The following BICRA variants were observed in gnomAD, a reference collection of about 807,000 sequenced individuals.
The protein encoded by BICRA is BRD4 interacting chromatin remodeling complex associated protein, also known as BRD4-interacting chromatin-remodeling complex-associated protein.
BICRA carries 31 observed loss-of-function variants against 96.9 expected under a neutral mutation model. That is an observed-to-expected ratio of 0.32 (90% CI 0.24 to 0.43). BICRA has a LOEUF of 0.43. Among genes scored for constraint, BICRA ranks in the 20% least tolerant of loss-of-function variants. BICRA has a pLI of 1.00. For synonymous variants in BICRA, 1,350 were observed against 1,071.8 expected (o/e 1.26, Z -5.07); for missense variants, 2,283 against 2,190.3 (o/e 1.04, Z -0.84).
intron 9 of BICRA, 23 bp from the exon 10 acceptor site, chr19:47,695,342 T>TCGGGGGGCCC: frequency 9.5e-6 from 6 of 630,178 alleles, no homozygotes; most frequent in African/African-American, 1.9e-5. Flanking sequence ...AGGCCCTGTC[T>TCGGGGGGCCC]CCCCCACCCC....
chr19:47,619,579 G>A (rs537654278), intron 1 of BICRA, among the ~76,000 whole-genome samples: 1 of 148,000 alleles, frequency 6.8e-6, no homozygotes, highest in South Asian at 2.4e-4. Context: ...CTTTTTCATT[G>A]AAGTGTAATT....
rs1973032844 is a variant in BICRA at position 47,680,732 on chromosome 19, C to T, written c.1562C>T (p.Ala521Val). ...CCCATCCTCACAAACCAGAACCTGG[C>T]GGGCCCACTGAGCCTGGGCCCCGTG... is the stretch of plus-strand genomic sequence containing the variant. ...ANPILTNQNL[A>V]GPLSLGPVLA... Residue 521 changes from alanine to valine, a missense_variant, in exon 6 of 15, where the codon GCG becomes GTG. Coordinates refer to ENST00000594866, the MANE Select transcript of BICRA (RefSeq NM_001394372.1). The T allele has an allele frequency of 6.2e-7, 1 of 1,604,900 alleles. No homozygotes were observed.
chr19:47,639,356 T>G (rs1972349119), intron 1 of BICRA, among the ~76,000 whole-genome samples: 1 of 128,862 alleles, frequency 7.8e-6, no homozygotes, highest in African/African-American at 3.1e-5. Flanking sequence ...AGACAGAGTC[T>G]CGCTCTGTCT....
chr19:47,620,406 C>T (rs891860067), intron 1 of BICRA, among the ~76,000 whole-genome samples: 1 of 152,018 alleles, frequency 6.6e-6, no homozygotes, highest in African/African-American at 2.4e-5. Context: ...GTGGCTCACA[C>T]CTCTAATCCC....
chr19:47,609,481 C>CT (rs1952132697), intron 1 of BICRA, among the ~76,000 whole-genome samples: 1 of 151,232 alleles, frequency 6.6e-6, no homozygotes, highest in African/African-American at 2.4e-5. Flanking sequence ...ATGGGGACCC[C>CT]CCCCCAACCG....
chr19:47,680,331 C>G lies in BICRA; in HGVS notation c.1161C>G (p.Leu387=), dbSNP rs772343222. 2.0e-6 allele frequency: 3 copies of G among 1,535,368 alleles called. No individual in the cohort carries two copies. Among genetic ancestry groups the G allele is most frequent in the East Asian group, 4.9e-5 (2 of 40,852 alleles). The change falls in exon 6 of 15, where the codon CTC becomes CTG. Residue 387 remains leucine, a synonymous_variant. Transcript: ENST00000594866. ...TLTIQGEPGA[L]PQQPKAPQNL... The stretch of plus-strand genomic sequence containing the variant: ...CCATCCAGGGCGAGCCGGGGGCGCT[C>G]CCGCAGCAGCCCAAGGCCCCGCAGA...
intron 1 of BICRA, among the ~76,000 whole-genome samples, chr19:47,668,579 C>G (rs1972817853): frequency 6.6e-6 from 1 of 151,396 alleles, no homozygotes; most frequent in Admixed American, 6.6e-5. Context: ...GCTCCGCCTC[C>G]TGTGTTCAAG....
intron 1 of BICRA, among the ~76,000 whole-genome samples, chr19:47,624,991 G>GC (rs1972118955): frequency 8.8e-6 from 1 of 113,032 alleles, no homozygotes; most frequent in African/African-American, 3.3e-5. Context: ...ACTGCACCTG[G>GC]CTTTTTTTTT....
Position 47,679,520 on chromosome 19 carries a change from C to T in BICRA, c.350C>T (p.Thr117Met), listed in dbSNP as rs2123584619. The part of the protein sequence containing the change: ...SLQEANITEQ[T>M]LEAEAELDLG... ...CAAGAGGCCAACATCACGGAGCAGA[C>T]GCTGGAGGCCGAGGCTGAGCTGGAC... is the stretch of plus-strand genomic sequence containing the variant. The change falls in exon 6 of 15, where the codon ACG (threonine) becomes ATG (methionine). Residue 117 changes from threonine (T) to methionine (M), a missense_variant. Physicochemically the swap from Thr to Met is moderately conservative, Grantham distance 81. Transcript: ENST00000594866. 2 of 1,547,712 alleles carry T rather than the reference C, an allele frequency of 1.3e-6. No individual in the cohort carries two copies. The highest frequency in any genetic ancestry group is 1.7e-6 in the Non-Finnish European group (2 of 1,146,046).
Position 47,615,847 on chromosome 19 carries a change from C to T in BICRA, c.-108+6679C>T, listed in dbSNP as rs1385884208. ...TGTCTATAAAATGGGCCCATGATGC[C>T]TCCCTCGTAGGGTCTGCTGTGAGGC... On this transcript the variant is annotated intron_variant, in intron 1 of 14. Transcript: ENST00000594866. 7 of 152,344 alleles carry T rather than the reference C, an allele frequency of 4.6e-5. 1 individual carries two copies. In the Middle Eastern group the frequency reaches 0.014, roughly 296 times the overall value. The allele number at this position is 152,344 out of a possible 1,614,324, so 9.4% of individuals were successfully genotyped here. A position where few individuals can be genotyped will look rare whatever the true frequency, so the allele number is the denominator to read the frequency against.
chr19:47,651,898 T>C (rs1972546532), intron 1 of BICRA, among the ~76,000 whole-genome samples: 2 of 152,338 alleles, frequency 1.3e-5, no homozygotes, highest in South Asian at 4.1e-4. Context: ...GCGCCACTCC[T>C]GGCTGTGATG....
At chr19:47,676,042 T>A in intron 5 of BICRA, 126 bp downstream of exon 5, 5 of 324,972 alleles carry the variant, frequency 1.5e-5, no homozygotes, top group East Asian at 8.5e-5. Context: ...AGGGCGGGGG[T>A]GGGCCACCCA....
intron 1 of BICRA, among the ~76,000 whole-genome samples, chr19:47,622,059 C>G (rs534544788): frequency 2.0e-5 from 3 of 151,942 alleles, no homozygotes; most frequent in African/African-American, 7.2e-5. Flanking sequence ...CTCTACCTCC[C>G]GGGTTCAAGC....
At position 47,679,426 on chromosome 19, in the gene BICRA, G is replaced by A. The variant is rs1444670852; in HGVS notation, c.256G>A (p.Ala86Thr). The change falls in exon 6 of 15, where the codon GCG becomes ACG. Residue 86 changes from alanine (A) to threonine (T), a missense_variant. Ala to Thr is a moderately conservative substitution (Grantham distance 58). Coordinates refer to ENST00000594866, the MANE Select transcript of BICRA (RefSeq NM_001394372.1). ...GGAAGATGACATCCTGGGCTCTCCT[G>A]CGACAGGGGGCGGCGGCGGGGGCAG... ...FLEDDILGSP[A>T]TGGGGGGSGG... 2.7e-6 allele frequency: 4 copies of A among 1,488,220 alleles called. No homozygotes were observed. The highest frequency in any genetic ancestry group is 3.6e-6 in the Non-Finnish European group (4 of 1,117,240). The allele number at this position is 1,488,220 out of a possible 1,614,324, so 92.2% of individuals were successfully genotyped here.
At chr19:47,655,265 C>T (rs1191777293) in intron 1 of BICRA, among the ~76,000 whole-genome samples, 1 of 152,236 alleles carries the variant, frequency 6.6e-6, no homozygotes, top group African/African-American at 2.4e-5. Flanking sequence ...GTGGCTCTCA[C>T]CTGTAATCCC....
chr19:47,613,557 G>T (rs889122083), intron 1 of BICRA, among the ~76,000 whole-genome samples: 5 of 152,120 alleles, frequency 3.3e-5, no homozygotes, highest in African/African-American at 9.7e-5. Flanking sequence ...CACCCGTGCC[G>T]TGTCCACGAT....
chr19:47,616,940 T>G (rs1164878502), intron 1 of BICRA, among the ~76,000 whole-genome samples: 1 of 152,024 alleles, frequency 6.6e-6, no homozygotes, highest in African/African-American at 2.4e-5. Context: ...GTGATTCTTA[T>G]GTCTCAGCCT....
chr19:47,644,018 A>G (rs886374456), intron 1 of BICRA, among the ~76,000 whole-genome samples: 2 of 151,930 alleles, frequency 1.3e-5, no homozygotes, highest in Non-Finnish European at 2.9e-5. Flanking sequence ...CCAACCTTTT[A>G]TTTATTTCTT....
At chr19:47,657,917 A>ATTCT (rs1972644808) in intron 1 of BICRA, among the ~76,000 whole-genome samples, 1 of 149,122 alleles carries the variant, frequency 6.7e-6, no homozygotes, top group Non-Finnish European at 1.5e-5. Flanking sequence ...TCCCTCTTAT[A>ATTCT]CTCTCTCTCT....
Sources: allele counts gnomAD v4.1 joint callset (sites outside exome capture counted in the v4.1 genomes callset), GRCh38; gene constraint gnomAD v4.1.1; transcripts MANE v1.5; gene names NCBI Gene and HGNC (gene_info 2026-07-23, HGNC 2026-07-21).